The following NLGN1 variants were observed in gnomAD, a reference collection of about 807,000 sequenced individuals.
NLGN1 encodes the protein neuroligin 1, also known as neuroligin-1.
Under a neutral mutation model 65.5 loss-of-function variants are expected in NLGN1, and 12 were observed. The ratio of observed to expected loss-of-function variants is 0.18; its 90% confidence interval spans 0.12 to 0.30. The LOEUF (loss-of-function observed/expected upper bound fraction) is 0.30. Ranked by LOEUF, NLGN1 falls within the 10% of genes least tolerant of loss-of-function variation. NLGN1 has a pLI of 1.00. For synonymous variants in NLGN1, 350 were observed against 359.5 expected (o/e 0.97, Z 0.30); for missense variants, 750 against 1,007.1 (o/e 0.74, Z 3.46).
chr3:173,801,523 A>C (rs909531235), intron 3 of NLGN1, among the ~76,000 whole-genome samples: 4 of 152,080 alleles, frequency 2.6e-5, no homozygotes, highest in Non-Finnish European at 5.9e-5. Flanking sequence ...TTTTTACTAA[A>C]ATATTTGCCT....
intron 3 of NLGN1, among the ~76,000 whole-genome samples, chr3:173,719,386 T>A (rs1364844391): frequency 6.6e-6 from 1 of 152,200 alleles, no homozygotes; most frequent in Admixed American, 6.5e-5. Flanking sequence ...CTTCCTTTTG[T>A]CAATTTTTTT....
At chr3:173,849,126 A>G (rs1182952359) in intron 4 of NLGN1, among the ~76,000 whole-genome samples, 1 of 152,174 alleles carries the variant, frequency 6.6e-6, no homozygotes, top group African/African-American at 2.4e-5. Context: ...GCTTTGCGAT[A>G]ACTACCATAT....
chr3:173,631,380 C>T (rs1170110081), intron 3 of NLGN1, among the ~76,000 whole-genome samples: 2 of 152,064 alleles, frequency 1.3e-5, no homozygotes, highest in Admixed American at 1.3e-4. Flanking sequence ...AGAGACTTGA[C>T]CTGCCTTTTA....
chr3:174,117,481 C>T (rs1716756939), intron 4 of NLGN1, among the ~76,000 whole-genome samples: 4 of 151,804 alleles, frequency 2.6e-5, no homozygotes, highest in South Asian at 2.1e-4. Flanking sequence ...ATTAGCCAGG[C>T]GCAGTGGCGG....
chr3:173,773,327 AAAC>A (rs1779854470), intron 3 of NLGN1, among the ~76,000 whole-genome samples: 1 of 152,156 alleles, frequency 6.6e-6, no homozygotes, highest in African/African-American at 2.4e-5. Context: ...CCTCCCCAAA[AAAC>A]ATTTTTTTAT....
At chr3:173,447,917 C>T (rs376617465) in intron 2 of NLGN1, among the ~76,000 whole-genome samples, 4 of 152,110 alleles carry the variant, frequency 2.6e-5, no homozygotes, top group South Asian at 2.1e-4. Flanking sequence ...GATTTTATAT[C>T]CTGAGACTTT....
intron 4 of NLGN1, among the ~76,000 whole-genome samples, chr3:174,131,997 T>C (rs1342212146): frequency 6.6e-6 from 1 of 152,200 alleles, no homozygotes; most frequent in Non-Finnish European, 1.5e-5. Flanking sequence ...CTTCACCTTG[T>C]TTCATCTGCC....
At chr3:174,121,488 T>C (rs77557001) in intron 4 of NLGN1, among the ~76,000 whole-genome samples, 20,020 of 146,932 alleles carry the variant, frequency 0.14, 1,484 homozygotes, top group African/African-American at 0.22. Flanking sequence ...TTGGCAAGTA[T>C]ATGAAATTAA....
chr3:174,161,321 A>C (rs574896413), intron 4 of NLGN1, among the ~76,000 whole-genome samples: 3 of 151,900 alleles, frequency 2.0e-5, no homozygotes. Flanking sequence ...TCCCAAAGGA[A>C]AACATTATTT....
At chr3:173,676,118 TTAATAA>T (rs1477658646) in intron 3 of NLGN1, among the ~76,000 whole-genome samples, 2 of 151,884 alleles carry the variant, frequency 1.3e-5, no homozygotes, top group Non-Finnish European at 2.9e-5. Context: ...AATAAAAAAG[TTAATAA>T]TAATAATAGT....
chr3:173,422,209 G>A (rs73047951), intron 1 of NLGN1, among the ~76,000 whole-genome samples: 48 of 152,124 alleles, frequency 3.2e-4, no homozygotes, highest in African/African-American at 1.1e-3. Flanking sequence ...AGGAATTCTT[G>A]TCATATGCAG....
At chr3:173,696,788 A>G (rs1766286163) in intron 3 of NLGN1, among the ~76,000 whole-genome samples, 1 of 152,190 alleles carries the variant, frequency 6.6e-6, no homozygotes, top group South Asian at 2.1e-4. Context: ...TACATATACA[A>G]GAAAGTGTAA....
chr3:173,842,238 G>T (rs921211930), intron 4 of NLGN1, among the ~76,000 whole-genome samples: 1 of 152,146 alleles, frequency 6.6e-6, no homozygotes, highest in Non-Finnish European at 1.5e-5. Context: ...CTCCCACCAG[G>T]TTTCTCCCAT....
chr3:173,885,112 C>A (rs527996709), intron 4 of NLGN1, among the ~76,000 whole-genome samples: 1 of 152,196 alleles, frequency 6.6e-6, no homozygotes, highest in East Asian at 1.9e-4. Flanking sequence ...ACCACAGAAA[C>A]CAAAATGGTA....
intron 3 of NLGN1, among the ~76,000 whole-genome samples, chr3:173,654,442 T>G (rs1759671455): frequency 6.6e-6 from 1 of 152,178 alleles, no homozygotes; most frequent in South Asian, 2.1e-4. Flanking sequence ...TTATCCTGTA[T>G]ACTTCAAATA....
chr3:174,202,798 C>A (rs551128094), intron 4 of NLGN1: 2 of 152,260 alleles, frequency 1.3e-5, no homozygotes, highest in African/African-American at 4.8e-5. Context: ...ATAAATATCG[C>A]AGCAGTAATA....
chr3:173,922,250 A>G (rs889075563), intron 4 of NLGN1, among the ~76,000 whole-genome samples: 4 of 152,082 alleles, frequency 2.6e-5, no homozygotes, highest in African/African-American at 9.7e-5. Flanking sequence ...TTATTAATAA[A>G]TGTTTCTTGA....
Position 173,647,074 on chromosome 3 carries a change from A to G in NLGN1, c.493+41983A>G, listed in dbSNP as rs1758383567. The stretch of plus-strand genomic sequence containing the variant: ...AGTTATACCAATTTCAGAACAAAGA[A>G]TATTACTTGAATTATATGACAAAGT... On this transcript the variant is annotated intron_variant, in intron 3 of 6. Transcript: ENST00000457714. 2.6e-5 allele frequency among the ~76,000 whole-genome samples: 4 copies of G among 152,264 alleles called. No individual in the cohort carries two copies. The South Asian group carries it at 8.3e-4, about 32-fold the overall frequency.
chr3:173,758,310 G>C (rs918586431), intron 3 of NLGN1, among the ~76,000 whole-genome samples: 2 of 151,928 alleles, frequency 1.3e-5, no homozygotes, highest in African/African-American at 2.4e-5. Context: ...CAAGCCTATG[G>C]TATTTTGTTA....
Sources: allele counts gnomAD v4.1 joint callset (sites outside exome capture counted in the v4.1 genomes callset), GRCh38; gene constraint gnomAD v4.1.1; transcripts MANE v1.5; gene names NCBI Gene and HGNC (gene_info 2026-07-23, HGNC 2026-07-21).